Variants in PSME4 observed in about 807,000 individuals in gnomAD.
The protein encoded by PSME4 is proteasome activator subunit 4.
PSME4 carries 89 observed loss-of-function variants against 253.9 expected under a neutral mutation model. That is an observed-to-expected ratio of 0.35 (90% CI 0.30 to 0.42). The LOEUF (loss-of-function observed/expected upper bound fraction) is 0.42. Among genes scored for constraint, PSME4 ranks in the 10% least tolerant of loss-of-function variants. The probability of loss-of-function intolerance (pLI) is 1.00; values close to 1 mark genes in which losing one functional copy is unlikely to be tolerated. For synonymous variants in PSME4, 851 were observed against 759.2 expected, an observed-to-expected ratio of 1.12 and a Z score of -1.99; for missense variants, 2,014 against 2,195.2, an observed-to-expected ratio of 0.92 and a Z score of 1.65.
chr2:53,917,693 G>A (rs941125048), intron 20 of PSME4, among the ~76,000 whole-genome samples: 1 of 152,136 alleles, frequency 6.6e-6, no homozygotes, highest in Admixed American at 6.5e-5. Context: ...TTGCTGATGT[G>A]CAAAGTTTGT....
intron 3 of PSME4, among the ~76,000 whole-genome samples, chr2:53,942,539 T>C (rs1669501458): frequency 6.6e-6 from 1 of 152,082 alleles, no homozygotes; most frequent in African/African-American, 2.4e-5. Flanking sequence ...AATTTGAGTA[T>C]CAGTTCTGCT....
At chr2:53,941,980 G>A (rs925171293) in intron 3 of PSME4, among the ~76,000 whole-genome samples, 6 of 152,076 alleles carry the variant, frequency 3.9e-5, no homozygotes, top group Non-Finnish European at 5.9e-5. Flanking sequence ...TCACGCTTCA[G>A]AAGAATAGGA....
rs916198626 is a variant in PSME4, at chr2:53,970,746, C to G, written c.39G>C (p.Pro13=). The change falls in exon 1 of 47, where the codon CCG becomes CCC. Residue 13 remains proline (P), a synonymous_variant. Coordinates refer to ENST00000404125, the MANE Select transcript of PSME4 (RefSeq NM_014614.3). ...CCGGCTCGGGACGCCCGCCCGGCTC[C>G]GGGGGCTCTCCGACTCCCGCCCGCT... ...PAERAGVGEP[P]EPGGRPEPGP... 3.9e-6 allele frequency: 6 copies of G among 1,546,094 alleles called. No individual in the cohort carries two copies. The African/African-American group carries it at 8.2e-5, about 21-fold the overall frequency.
chr2:53,895,201 C>T (rs1014903985), intron 33 of PSME4, 125 bp from the exon 34 acceptor site: 2 of 732,734 alleles, frequency 2.7e-6, no homozygotes, highest in South Asian at 1.9e-5. Flanking sequence ...GAGATGAGTA[C>T]AGCAGTAACA....
At chr2:53,936,915 T>C in intron 5 of PSME4, 88 bp from the exon 6 acceptor site, 2 of 855,198 alleles carry the variant, frequency 2.3e-6, no homozygotes, top group South Asian at 1.8e-5. Flanking sequence ...TAATCTATTA[T>C]TCTTACTGAT....
At chr2:53,929,442 G>A (rs1668720340) in intron 10 of PSME4, among the ~76,000 whole-genome samples, 1 of 151,916 alleles carries the variant, frequency 6.6e-6, no homozygotes, top group African/African-American at 2.4e-5. Context: ...ACTGGCAAAC[G>A]TTACCACTCC....
At chr2:53,909,961 CTCTGTCT>C (rs1667756418) in intron 21 of PSME4, 107 bp downstream of exon 21, 1 of 934,146 alleles carries the variant, frequency 1.1e-6, no homozygotes, top group Non-Finnish European at 1.8e-6. Flanking sequence ...CAGAGTGAGA[CTCTGTCT>C]CAAAACAAAA....
chr2:53,864,663 TAAAC>T lies in PSME4; in HGVS notation c.*911_*914del, dbSNP rs1326655953. The stretch of plus-strand genomic sequence containing the variant: ...ACTCTTTTACATTTATATAACATAT[TAAAC>T]AAATCAATTAAATATTAAGCCTTAT... On this transcript the variant is annotated 3_prime_UTR_variant, in exon 47 of 47. Transcript: ENST00000404125. The T allele has an allele frequency of 1.3e-5, 2 of 152,600 alleles. No individual in the cohort carries two copies. Among genetic ancestry groups the T allele is most frequent in the Non-Finnish European group, 2.9e-5 (2 of 68,040 alleles). 9.5% of individuals were successfully genotyped at this position (152,600 alleles called of 1,614,324 possible).
intron 37 of PSME4, 33 bp downstream of exon 37, chr2:53,890,071 C>A: frequency 6.8e-7 from 1 of 1,462,106 alleles, no homozygotes; most frequent in South Asian, 1.1e-5. Context: ...TTGAATAGAT[C>A]AGTTAGACAA....
At chr2:53,868,575 TAA>T (rs377694045) in intron 44 of PSME4, among the ~76,000 whole-genome samples, 1 of 107,098 alleles carries the variant, frequency 9.3e-6, no homozygotes, top group Non-Finnish European at 1.8e-5. Context: ...ATATATATTA[TAA>T]AATATATTTA....
chr2:53,893,040 T>G, intron 35 of PSME4, 80 bp from the exon 36 acceptor site: 1 of 1,331,804 alleles, frequency 7.5e-7, no homozygotes, highest in Non-Finnish European at 1.0e-6. Context: ...ATTCTGTACA[T>G]TACTAACGTG....
chr2:53,909,448 T>C (rs1038807852), intron 21 of PSME4, among the ~76,000 whole-genome samples: 3 of 152,312 alleles, frequency 2.0e-5, no homozygotes, highest in Middle Eastern at 3.4e-3. Flanking sequence ...AAGTATAACA[T>C]ATAAGTGCTA....
At position 53,928,246 on chromosome 2, in the gene PSME4, A is replaced by C. The variant is rs1668661283; in HGVS notation, c.1374T>G (p.Ser458Arg). 1 of 1,614,168 alleles carries C rather than the reference A, an allele frequency of 6.2e-7. No individual in the cohort carries two copies. The highest frequency in any genetic ancestry group is 8.5e-7 in the Non-Finnish European group (1 of 1,179,986). ...TEPHQLTATL[S>R]CVIGVARSLV... is the part of the protein sequence containing the mutation. ...AACTGCGGGCTACTCCAATTACACA[A>C]CTTAAAGTAGCTGTGAGCTGGTGAG... The change falls in exon 11 of 47, where the codon AGT (serine) becomes AGG (arginine). Residue 458 changes from serine (S) to arginine (R), a missense_variant. Physicochemically the swap from Ser to Arg is moderately radical, Grantham distance 110. Transcript: ENST00000404125.
rs775712202 is a variant in PSME4 at position 53,923,465 on chromosome 2, A to G, written c.1810-46T>C. ...TTAATGAGCATTTTTTAAGAAAATT[A>G]AACATCTTACAGAACATAAAAGAAA... On this transcript the variant is annotated intron_variant, in intron 14 of 46. Transcript: ENST00000404125. 3.3e-6 allele frequency: 5 copies of G among 1,523,002 alleles called. No individual in the cohort carries two copies. In the East Asian group the frequency reaches 1.2e-4, roughly 36 times the overall value. 94.3% of individuals were successfully genotyped at this position (1,523,002 alleles called of 1,614,324 possible).
At chr2:53,892,257 T>C (rs1419403201) in intron 36 of PSME4, among the ~76,000 whole-genome samples, 1 of 152,218 alleles carries the variant, frequency 6.6e-6, no homozygotes, top group African/African-American at 2.4e-5. Context: ...GGTCCTGACA[T>C]TTGACCAGGT....
At chr2:53,934,757 T>C in intron 7 of PSME4, 30 bp from the exon 8 acceptor site, 2 of 1,492,128 alleles carry the variant, frequency 1.3e-6, no homozygotes, top group South Asian at 2.3e-5. Context: ...AGTAAGGATA[T>C]TTACAGGTAT....
chr2:53,895,195 T>A (rs1261116544), intron 33 of PSME4, 119 bp from the exon 34 acceptor site: 1 of 802,300 alleles, frequency 1.2e-6, no homozygotes, highest in East Asian at 2.6e-5. Flanking sequence ...TTTGGGGAGA[T>A]GAGTACAGCA....
chr2:53,867,405 C>A (rs961102022), intron 44 of PSME4, among the ~76,000 whole-genome samples: 2 of 149,910 alleles, frequency 1.3e-5, no homozygotes, highest in Non-Finnish European at 2.9e-5. Context: ...GAAGCTGAGG[C>A]ATGAGAATCA....
At chr2:53,926,498 AC>A (rs1449082261) in intron 12 of PSME4, among the ~76,000 whole-genome samples, 2 of 152,044 alleles carry the variant, frequency 1.3e-5, no homozygotes, top group African/African-American at 4.8e-5. Flanking sequence ...ACATGGCAAA[AC>A]CCCATCGCTA....
Sources: allele counts gnomAD v4.1 joint callset (sites outside exome capture counted in the v4.1 genomes callset), GRCh38; gene constraint gnomAD v4.1.1; transcripts MANE v1.5; gene names NCBI Gene and HGNC (gene_info 2026-07-23, HGNC 2026-07-21).